The following TTF2 variants were observed in gnomAD, a reference collection of about 807,000 sequenced individuals.
TTF2 encodes the protein transcription termination factor 2, also known as RNA polymerase II termination factor.
TTF2 carries 108 observed loss-of-function variants against 142.4 expected under a neutral mutation model. The observed-to-expected ratio is 0.76, with a 90% CI of 0.65 to 0.89. The LOEUF is 0.89. TTF2 is among the 40% of genes least tolerant of loss of function. The probability of loss-of-function intolerance (pLI) is 0.00; values close to 1 mark genes in which losing one functional copy is unlikely to be tolerated. For synonymous variants in TTF2, 483 were observed against 506.2 expected (o/e 0.95, Z 0.61); for missense variants, 1,327 against 1,379.8 (o/e 0.96, Z 0.61).
Position 117,101,405 on chromosome 1 carries a change from GA to G in TTF2, c.3374del (p.Lys1125ArgfsTer55). On this transcript the variant is annotated frameshift_variant, in exon 23 of 23. Transcript: ENST00000369466. LOFTEE classifies it high-confidence loss of function. This position sits in a 1 kb window ranked among gnomAD's most constrained non-coding sequence, Gnocchi z 5.9. ...ATTTGTTTGTGAGGGAACAGTAGAA[GA>G]AAAGATCTTACAGCTCCAAGAAAAA... Reference protein sequence around the residue: ...HRFVCEGTVEEKILQLQEKKK... With the variant: ...HRFVCEGTVEXKILQLQEKKK... 6.2e-7 allele frequency: 1 copy of G among 1,600,440 alleles called. No homozygotes were observed. The highest frequency in any genetic ancestry group is 2.2e-5 in the East Asian group (1 of 44,686).
At chr1:117,082,287 A>C (rs1249435322) in intron 10 of TTF2, among the ~76,000 whole-genome samples, 1 of 152,136 alleles carries the variant, frequency 6.6e-6, no homozygotes, top group Non-Finnish European at 1.5e-5. Context: ...AACACAGCTT[A>C]CTGCAGCCTA....
chr1:117,090,055 GT>G lies in TTF2; in HGVS notation c.2346del (p.Leu783SerfsTer27). 6.2e-7 allele frequency: 1 copy of G among 1,612,134 alleles called. No homozygotes were observed. The highest frequency in any genetic ancestry group is 8.5e-7 in the Non-Finnish European group (1 of 1,179,026). ...GTGCCCTTCTTCCTCAACAAAAAAGGTTTCTCCGTTGCTCTCCATTTGATGA... is the reference window on the plus strand; with the variant it reads ...GTGCCCTTCTTCCTCAACAAAAAAGGTTCTCCGTTGCTCTCCATTTGATGA... ...NLLDMYSLLK[F>X]LRCSPFDEFN... On this transcript the variant is annotated frameshift_variant and splice_region_variant, in exon 14 of 23. Coordinates refer to ENST00000369466, the MANE Select transcript of TTF2 (RefSeq NM_003594.4). LOFTEE classifies it high-confidence loss of function. The surrounding 1 kb of genome is among the most constrained non-coding windows in gnomAD (Gnocchi z 4.8).
At chr1:117,095,218 C>T in intron 18 of TTF2, 91 bp from the exon 19 acceptor site, 3 of 1,213,628 alleles carry the variant, frequency 2.5e-6, no homozygotes, top group South Asian at 2.5e-5. Context: ...AGCACAGACG[C>T]CATGTAGGAG....
Position 117,097,289 on chromosome 1 carries a change from G to A in TTF2, c.3187-62G>A. The A allele has an allele frequency of 6.9e-7, 1 of 1,453,276 alleles. No individual in the cohort carries two copies. Among genetic ancestry groups the A allele is most frequent in the East Asian group, 2.3e-5 (1 of 44,128 alleles). The allele number at this position is 1,453,276 out of a possible 1,614,324, so 90.0% of individuals were successfully genotyped here. A position where few individuals can be genotyped will look rare whatever the true frequency, so the allele number is the denominator to read the frequency against. The stretch of plus-strand genomic sequence containing the variant: ...CTGTATTGATTGTGGACTTAAACCT[G>A]AGACCGAGATGTGTTACGAGACCAA... On this transcript the variant is annotated intron_variant, in intron 20 of 22. Coordinates refer to ENST00000369466, the MANE Select transcript of TTF2 (RefSeq NM_003594.4). The surrounding 1 kb of genome is among the most constrained non-coding windows in gnomAD (Gnocchi z 4.1).
rs773701467 is a variant in TTF2, at chr1:117,092,019, C to T, written c.2805+69C>T. 2.8e-4 allele frequency: 405 copies of T among 1,467,112 alleles called. 2 individuals are homozygous for T. The highest frequency in any genetic ancestry group is 3.6e-4 in the Non-Finnish European group (394 of 1,086,482). 90.9% of individuals were successfully genotyped at this position (1,467,112 alleles called of 1,614,324 possible). A position where few individuals can be genotyped will look rare whatever the true frequency, so the allele number is the denominator to read the frequency against. On this transcript the variant is annotated intron_variant, in intron 17 of 22. Coordinates refer to ENST00000369466, the MANE Select transcript of TTF2 (RefSeq NM_003594.4). This position sits in a 1 kb window ranked among gnomAD's most constrained non-coding sequence, Gnocchi z 4.4. ...GGCCACCTGAGAAGTCAATTTCACT[C>T]TCCTCCAACTGGAATCCAGTCTGCT... is the stretch of plus-strand genomic sequence containing the variant.
Position 117,104,945 on chromosome 1 carries a change from A to G in TTF2, c.*3421A>G, listed in dbSNP as rs564235945. The G allele has an allele frequency of 1.3e-5, 2 of 152,356 alleles. No individual in the cohort carries two copies. The highest frequency in any genetic ancestry group is 2.1e-4 in the South Asian group (1 of 4,830). The allele number at this position is 152,356 out of a possible 1,614,324, so 9.4% of individuals were successfully genotyped here. ...AGTTTCGTCAAGTCTAGGTATGACAAGGTGGGTCTTTGCACCTTCTAGCGA... is the reference window on the plus strand; with the variant it reads ...AGTTTCGTCAAGTCTAGGTATGACAGGGTGGGTCTTTGCACCTTCTAGCGA... On this transcript the variant is annotated 3_prime_UTR_variant, in exon 23 of 23. Transcript: ENST00000369466.
chr1:117,106,360 G>C lies in TTF2; in HGVS notation c.*4836G>C, dbSNP rs1649943636. 3 of 151,922 alleles carry C rather than the reference G, an allele frequency of 2.0e-5. No individual in the cohort carries two copies. In the South Asian group the frequency reaches 6.2e-4, roughly 32 times the overall value. The allele number at this position is 151,922 out of a possible 1,614,324, so 9.4% of individuals were successfully genotyped here. ...AGCTACACAATGTTTTTACTATCTT[G>C]AGTTCTTTTTACCCAGATTCCATAG... On this transcript the variant is annotated 3_prime_UTR_variant, in exon 23 of 23. Transcript: ENST00000369466.
rs1656784672 is a variant in TTF2 at position 117,073,951 on chromosome 1, A to G, written c.285+224A>G. On this transcript the variant is annotated intron_variant, in intron 4 of 22. Transcript: ENST00000369466. This position sits in a 1 kb window ranked among gnomAD's most constrained non-coding sequence, Gnocchi z 4.4. ...TTGCATCCTATTTCACTTAGTAAATATTTTTTGAGGTCTTAAATGTAGTCA... is the reference window on the plus strand; with the variant it reads ...TTGCATCCTATTTCACTTAGTAAATGTTTTTTGAGGTCTTAAATGTAGTCA... 6.6e-6 allele frequency among the ~76,000 whole-genome samples: 1 copy of G among 152,190 alleles called. No individual in the cohort carries two copies. Among genetic ancestry groups the G allele is most frequent in the Non-Finnish European group, 1.5e-5 (1 of 68,030 alleles).
In TTF2 at chr1:117,076,910, C is replaced by A; in HGVS notation, c.1573+87C>A. The stretch of plus-strand genomic sequence containing the variant: ...GTACAGTAGTCACCTCTTATCCACA[C>A]TTTCAGTTAACCTTAGTCACCTGTG... On this transcript the variant is annotated intron_variant, in intron 7 of 22. Transcript: ENST00000369466. This position sits in a 1 kb window ranked among gnomAD's most constrained non-coding sequence, Gnocchi z 4.6. The A allele has an allele frequency of 7.8e-7, 1 of 1,277,794 alleles. No individual in the cohort carries two copies. The highest frequency in any genetic ancestry group is 1.1e-6 in the Non-Finnish European group (1 of 936,012). 79.2% of individuals were successfully genotyped at this position (1,277,794 alleles called of 1,614,324 possible). A position where few individuals can be genotyped will look rare whatever the true frequency, so the allele number is the denominator to read the frequency against.
chr1:117,101,676 TC>T lies in TTF2; in HGVS notation c.*156del, dbSNP rs1557835938. 1 of 809,848 alleles carries T rather than the reference TC, an allele frequency of 1.2e-6. No individual in the cohort carries two copies. Among genetic ancestry groups the T allele is most frequent in the Non-Finnish European group, 1.8e-6 (1 of 568,906 alleles). 50.2% of individuals were successfully genotyped at this position (809,848 alleles called of 1,614,324 possible). A position where few individuals can be genotyped will look rare whatever the true frequency, so the allele number is the denominator to read the frequency against. On this transcript the variant is annotated 3_prime_UTR_variant, in exon 23 of 23. Transcript: ENST00000369466. The surrounding 1 kb of genome is among the most constrained non-coding windows in gnomAD (Gnocchi z 5.9). ...TTCCTCAAAATGAGGCATAATCTTA[TC>T]CCCAGAATTGAGGAGGGGTTGTGTT...
Position 117,095,297 on chromosome 1 carries a change from A to T in TTF2, c.2977-12A>T. 1 of 1,614,034 alleles carries T rather than the reference A, an allele frequency of 6.2e-7. No homozygotes were observed. ...TGCTTAAACATACAATGTTGATGTA[A>T]CCTTTTCCCAGATTTCATCTCTGTT... On this transcript the variant is annotated splice_polypyrimidine_tract_variant and intron_variant, in intron 18 of 22. Transcript: ENST00000369466.
chr1:117,078,048 G>A lies in TTF2; in HGVS notation c.1701+5G>A. 1 of 1,613,600 alleles carries A rather than the reference G, an allele frequency of 6.2e-7. No individual in the cohort carries two copies. The highest frequency in any genetic ancestry group is 1.1e-5 in the South Asian group (1 of 91,060). On this transcript the variant is annotated splice_donor_5th_base_variant and intron_variant, in intron 8 of 22. Coordinates refer to ENST00000369466, the MANE Select transcript of TTF2 (RefSeq NM_003594.4). ...GAAGATCCCGCCGGGCTGAAGGTGA[G>A]CCAGGGAAGACTCCTGGTGTAGTCC...
Position 117,075,181 on chromosome 1 carries a change from A to G in TTF2, c.597A>G (p.Gly199=), listed in dbSNP as rs530171956. ...TTCAAGAGAAGAAGCAAGAAGAGGG[A>G]GCAGAGATTCAGTGTGAGGCAGAGA... ...SVVQEKKQEE[G]AEIQCEAETG... Residue 199 remains glycine, a synonymous_variant, in exon 5 of 23, where the codon GGA becomes GGG. Transcript: ENST00000369466. The surrounding 1 kb of genome is among the most constrained non-coding windows in gnomAD (Gnocchi z 4.5). The G allele has an allele frequency of 6.2e-7, 1 of 1,614,196 alleles. No homozygotes were observed. Among genetic ancestry groups the G allele is most frequent in the Non-Finnish European group, 8.5e-7 (1 of 1,180,040 alleles).
At chr1:117,069,716 C>G (rs1656431001) in intron 3 of TTF2, among the ~76,000 whole-genome samples, 1 of 152,148 alleles carries the variant, frequency 6.6e-6, no homozygotes, top group Admixed American at 6.5e-5. Flanking sequence ...GGGATTTGAA[C>G]CAAGGGAGAA....
At position 117,090,098 on chromosome 1, in the gene TTF2, A is replaced by G; in HGVS notation, c.2386A>G (p.Ser796Gly). Residue 796 changes from serine to glycine, a missense_variant, in exon 14 of 23, where the codon AGT becomes GGT. Coordinates refer to ENST00000369466, the MANE Select transcript of TTF2 (RefSeq NM_003594.4). The surrounding 1 kb of genome is among the most constrained non-coding windows in gnomAD (Gnocchi z 4.8). ...ATTTGATGAGTTCAATCTGTGGAGG[A>G]GTCAGGTTGACAATGGCTCAAAGAA... ...SPFDEFNLWR[S>G]QVDNGSKKGG... 2 of 1,614,122 alleles carry G rather than the reference A, an allele frequency of 1.2e-6. No homozygotes were observed. The highest frequency in any genetic ancestry group is 1.1e-5 in the South Asian group (1 of 91,086).
In TTF2 at chr1:117,076,133, C is replaced by G; in HGVS notation, c.1276-47C>G. 1 of 1,548,662 alleles carries G rather than the reference C, an allele frequency of 6.5e-7. No homozygotes were observed. The highest frequency in any genetic ancestry group is 8.9e-7 in the Non-Finnish European group (1 of 1,125,758). On this transcript the variant is annotated intron_variant, in intron 5 of 22. Coordinates refer to ENST00000369466, the MANE Select transcript of TTF2 (RefSeq NM_003594.4). The surrounding 1 kb of genome is among the most constrained non-coding windows in gnomAD (Gnocchi z 4.6). ...GCTATTTTAATCTGAAACTATTCAT[C>G]TAACAGTGTGAGAGGAGAGATCCAT...
chr1:117,062,406 T>C lies in TTF2; in HGVS notation c.151T>C (p.Leu51=), dbSNP rs1302112847. The change falls in exon 3 of 23, where the codon TTA becomes CTA. Residue 51 remains leucine (L), a synonymous_variant. Coordinates refer to ENST00000369466, the MANE Select transcript of TTF2 (RefSeq NM_003594.4). ...RATDIPVSHC[L]LHEDFVVELQ... ...CTCTAGCATTCCTGTTTCCCATTGC[T>C]TATTGCATGAGGACTTTGTGGTAGA... is the stretch of plus-strand genomic sequence containing the variant. The C allele has an allele frequency of 6.2e-7, 1 of 1,613,932 alleles. No individual in the cohort carries two copies. The highest frequency in any genetic ancestry group is 8.5e-7 in the Non-Finnish European group (1 of 1,179,924).
At position 117,078,030 on chromosome 1, in the gene TTF2, C is replaced by G. The variant is rs1657158711; in HGVS notation, c.1688C>G (p.Pro563Arg). 1 of 1,613,818 alleles carries G rather than the reference C, an allele frequency of 6.2e-7. No homozygotes were observed. Among genetic ancestry groups the G allele is most frequent in the Non-Finnish European group, 8.5e-7 (1 of 1,179,986 alleles). ...GGTGAGACGGTTGTGGCAGAAGATC[C>G]CGCCGGGCTGAAGGTGAGCCAGGGA... Reference protein sequence around the residue: ...CPGETVVAEDPAGLKVPLLLH... With the variant: ...CPGETVVAEDRAGLKVPLLLH... Residue 563 changes from proline to arginine, a missense_variant, in exon 8 of 23, where the codon CCC (proline) becomes CGC (arginine). Physicochemically the swap from Pro to Arg is moderately radical, Grantham distance 103. Coordinates refer to ENST00000369466, the MANE Select transcript of TTF2 (RefSeq NM_003594.4).
At chr1:117,061,720 A>T (rs1442522611) in intron 2 of TTF2, among the ~76,000 whole-genome samples, 1 of 151,632 alleles carries the variant, frequency 6.6e-6, no homozygotes, top group Non-Finnish European at 1.5e-5. Context: ...CTTATTTAGG[A>T]TCCCATCTAC....
Sources: gnomAD v4.1 joint callset for allele counts (sites outside exome capture counted in the v4.1 genomes callset) on GRCh38, gnomAD v4.1.1 for gene constraint, Gnocchi (gnomAD v3.1) non-coding constraint, MANE v1.5 for transcripts, NCBI Gene and HGNC (gene_info 2026-07-23, HGNC 2026-07-21) for gene names.